Variants in DMD observed in about 807,000 individuals in gnomAD.
DMD encodes the protein dystrophin, also known as mutant dystrophin.
In DMD, 63 loss-of-function variants were observed where a neutral mutation model predicts 330.1. The observed-to-expected ratio is 0.19, with a 90% confidence interval of 0.16 to 0.24. The LOEUF (loss-of-function observed/expected upper bound fraction) is 0.24. Ranked by LOEUF, DMD falls within the 10% of genes least tolerant of loss-of-function variation. DMD has a pLI of 1.00. For missense variants in DMD, 3,344 were observed against 2,684.1 expected (o/e 1.25, Z -5.43); for synonymous variants, 1,223 against 959.8 (o/e 1.27, Z -5.07).
chrX:32,774,846 T>G (rs1351730008), intron 7 of DMD, among the ~76,000 whole-genome samples: 1 of 108,763 alleles, frequency 9.2e-6, no homozygotes, highest in African/African-American at 3.3e-5. Flanking sequence ...TTCCCAACAG[T>G]CTCGCAAAGT....
At chrX:32,587,344 G>A (rs5972614) in intron 13 of DMD, among the ~76,000 whole-genome samples, 15,881 of 111,389 alleles carry the variant, frequency 0.14, 2,760 homozygotes, top group African/African-American at 0.49. Context: ...GACACTAACA[G>A]CAATGTCCAA....
At chrX:32,888,737 A>C (rs1223740213) in intron 2 of DMD, among the ~76,000 whole-genome samples, 1 of 112,146 alleles carries the variant, frequency 8.9e-6, no homozygotes, top group Non-Finnish European at 1.9e-5. Context: ...TATTCACATT[A>C]GACAAGATAT....
intron 62 of DMD, among the ~76,000 whole-genome samples, chrX:31,286,990 C>T (rs779109181): frequency 1.8e-5 from 2 of 112,408 alleles, no homozygotes; most frequent in Non-Finnish European, 3.8e-5. Context: ...GTCTAAACCT[C>T]CTGGGATTAA....
intron 52 of DMD, among the ~76,000 whole-genome samples, chrX:31,715,637 C>T (rs1285136231): frequency 2.7e-5 from 3 of 109,927 alleles, no homozygotes; most frequent in African/African-American, 9.9e-5. Flanking sequence ...AACTGAGGAA[C>T]ATTTCAAATG....
At chrX:31,222,415 A>AAAC (rs2046195076) in intron 64 of DMD, among the ~76,000 whole-genome samples, 1 of 106,159 alleles carries the variant, frequency 9.4e-6, no homozygotes, top group Non-Finnish European at 1.9e-5. Flanking sequence ...AAAAAAAAAA[A>AAAC]AACAGAAAAA....
intron 43 of DMD, among the ~76,000 whole-genome samples, chrX:32,256,311 T>TG (rs1438281852): frequency 6.7e-5 from 6 of 89,943 alleles, no homozygotes; most frequent in African/African-American, 2.3e-4. Flanking sequence ...TTGTAACCCC[T>TG]GTTTTTTTTT....
At chrX:32,280,163 CAGTATATATATATATATATATAT>C (rs1396145728) in intron 43 of DMD, among the ~76,000 whole-genome samples, 3 of 10,511 alleles carry the variant, frequency 2.9e-4, no homozygotes, top group African/African-American at 1.7e-3. Flanking sequence ...TATATATATA[CAGTATATATATATATATATATAT>C]ACACACTATG....
chrX:32,964,803 A>G (rs1386058336), intron 2 of DMD, among the ~76,000 whole-genome samples: 2 of 112,368 alleles, frequency 1.8e-5, no homozygotes, highest in Admixed American at 9.4e-5. Context: ...TTGTTTTGCA[A>G]CTCATAATGA....
At chrX:32,079,263 G>T (rs1028010149) in intron 44 of DMD, among the ~76,000 whole-genome samples, 2 of 111,852 alleles carry the variant, frequency 1.8e-5, no homozygotes, top group Non-Finnish European at 3.8e-5. Flanking sequence ...GCCCCTTCTT[G>T]TCATTCAGAT....
intron 11 of DMD, among the ~76,000 whole-genome samples, chrX:32,622,123 G>T (rs772065591): frequency 1.8e-5 from 2 of 111,407 alleles, no homozygotes; most frequent in African/African-American, 6.5e-5. Flanking sequence ...ATTTTGACAT[G>T]AGACTTTTAC....
At chrX:31,680,134 G>A (rs372892636) in intron 52 of DMD, among the ~76,000 whole-genome samples, 1 of 111,677 alleles carries the variant, frequency 9.0e-6, no homozygotes, top group Admixed American at 9.5e-5. Flanking sequence ...TAACTCTGAG[G>A]CATGTATTTT....
intron 21 of DMD, among the ~76,000 whole-genome samples, chrX:32,483,820 C>CAAAAAAAAAA (rs770119472): frequency 1.9e-4 from 7 of 37,240 alleles, no homozygotes; most frequent in Admixed American, 4.2e-4. Context: ...CTCTGAAGTA[C>CAAAAAAAAAA]AAAAAAAAAA....
chrX:31,345,475 A>G (rs1175063107), intron 61 of DMD, among the ~76,000 whole-genome samples: 1 of 112,186 alleles, frequency 8.9e-6, no homozygotes, highest in East Asian at 2.8e-4. Context: ...TTCTGAAAAT[A>G]GGTTTTAATG....
At chrX:33,243,721 A>G (rs979616934) in intron 1 of DMD, among the ~76,000 whole-genome samples, 1 of 112,490 alleles carries the variant, frequency 8.9e-6, no homozygotes, top group Non-Finnish European at 1.9e-5. Flanking sequence ...GAATAAAATC[A>G]TGTCTTTTGC....
chrX:32,086,450 G>T (rs1240242603), intron 44 of DMD, among the ~76,000 whole-genome samples: 1 of 111,615 alleles, frequency 9.0e-6, no homozygotes, highest in Non-Finnish European at 1.9e-5. Flanking sequence ...TGTATGGCCT[G>T]TCTGGTCAGG....
chrX:33,033,975 CTT>C lies in DMD; in HGVS notation c.32-13777_32-13776del, dbSNP rs1464375231. ...TTTAAATTCTAGTCATTACAAAAGA[CTT>C]TAAGTCAAATGGCAAATTGCTTTCC... is the stretch of plus-strand genomic sequence containing the variant. On this transcript the variant is annotated intron_variant, in intron 1 of 78. Transcript: ENST00000357033. Among the ~76,000 whole-genome samples, 3 of 111,494 alleles carry C rather than the reference CTT, an allele frequency of 2.7e-5. No homozygotes were observed. In the East Asian group the frequency reaches 8.4e-4, roughly 31 times the overall value.
chrX:31,977,520 C>T (rs1406393371), intron 44 of DMD, among the ~76,000 whole-genome samples: 1 of 110,591 alleles, frequency 9.0e-6, no homozygotes, highest in Non-Finnish European at 1.9e-5. Context: ...TTACAGAACC[C>T]CCAAGACATC....
At chrX:32,420,924 C>T (rs776842899) in intron 29 of DMD, among the ~76,000 whole-genome samples, 4 of 111,435 alleles carry the variant, frequency 3.6e-5, no homozygotes, top group African/African-American at 6.5e-5. Flanking sequence ...GATGTAGGCT[C>T]ATAATACTCT....
At chrX:31,517,401 A>G (rs2072325689) in intron 55 of DMD, among the ~76,000 whole-genome samples, 1 of 111,783 alleles carries the variant, frequency 8.9e-6, no homozygotes, top group Non-Finnish European at 1.9e-5. Flanking sequence ...TGAAGATGGG[A>G]GCCAGAGCTA....
Sources: gnomAD v4.1 joint callset for allele counts (sites outside exome capture counted in the v4.1 genomes callset) on GRCh38, gnomAD v4.1.1 for gene constraint, MANE v1.5 for transcripts, NCBI Gene and HGNC (gene_info 2026-07-23, HGNC 2026-07-21) for gene names.